The following CCDC186 variants were observed in gnomAD, a reference collection of about 807,000 sequenced individuals.
CCDC186 encodes coiled-coil domain-containing protein 186.
A neutral mutation model predicts 113.7 loss-of-function variants in CCDC186; 49 were observed. That is an observed-to-expected ratio of 0.43 (90% CI 0.34 to 0.55). CCDC186 has a LOEUF of 0.55. CCDC186 is among the 20% of genes least tolerant of loss of function. CCDC186 has a pLI of 0.02. For synonymous variants in CCDC186, 355 were observed against 345.8 expected (o/e 1.03, Z -0.30); for missense variants, 890 against 1,011.1 (o/e 0.88, Z 1.62).
intron 4 of CCDC186, among the ~76,000 whole-genome samples, chr10:114,146,479 T>C (rs1357605009): frequency 6.6e-6 from 1 of 152,238 alleles, no homozygotes; most frequent in African/African-American, 2.4e-5. Context: ...AGTAGCCATA[T>C]GCTAACAAAT....
At chr10:114,151,675 T>C (rs1424568488) in intron 3 of CCDC186, among the ~76,000 whole-genome samples, 2 of 152,248 alleles carry the variant, frequency 1.3e-5, no homozygotes, top group Admixed American at 6.5e-5. Context: ...CATGTCTGCA[T>C]TGTACACACT....
At chr10:114,151,821 T>G (rs1327765118) in intron 3 of CCDC186, among the ~76,000 whole-genome samples, 3 of 152,118 alleles carry the variant, frequency 2.0e-5, no homozygotes, top group Admixed American at 1.3e-4. Context: ...AGTATAAGAA[T>G]AGTGATGCTG....
At position 114,136,232 on chromosome 10, in the gene CCDC186, A is replaced by G. The variant is rs897730084; in HGVS notation, c.1341T>C (p.Ile447=). 2.5e-6 allele frequency: 4 copies of G among 1,610,876 alleles called. No individual in the cohort carries two copies. The African/African-American group carries it at 5.3e-5, about 22-fold the overall frequency. Residue 447 remains isoleucine, a synonymous_variant, in exon 8 of 16, where the codon ATT becomes ATC. Transcript: ENST00000369287. ...MIKTYQESEE[I]KSNELDAKLR... is the part of the protein sequence containing the mutation. ...GCTTTGCATCAAGCTCATTTGATTT[A>G]ATTTCTTCTGACTCCTAGTGGAAAG... is the stretch of plus-strand genomic sequence containing the variant.
chr10:114,134,659 A>G (rs1339589956), intron 10 of CCDC186, among the ~76,000 whole-genome samples: 1 of 152,194 alleles, frequency 6.6e-6, no homozygotes, highest in Non-Finnish European at 1.5e-5. Flanking sequence ...TAAGGAATGG[A>G]TAAGAGACTC....
intron 6 of CCDC186, among the ~76,000 whole-genome samples, chr10:114,141,705 T>C (rs925363979): frequency 4.6e-5 from 7 of 152,084 alleles, no homozygotes; most frequent in Non-Finnish European, 1.5e-5. Flanking sequence ...AGCTGAAGAC[T>C]TGAAGGGAAC....
chr10:114,172,694 CA>C (rs1265354894), intron 1 of CCDC186, among the ~76,000 whole-genome samples: 3 of 152,124 alleles, frequency 2.0e-5, no homozygotes, highest in Non-Finnish European at 4.4e-5. Context: ...CTTAATACTG[CA>C]AGATTCGTGA....
chr10:114,127,475 A>G lies in CCDC186; in HGVS notation c.2379T>C (p.Ile793=), dbSNP rs1452127281. 1 of 1,613,050 alleles carries G rather than the reference A, an allele frequency of 6.2e-7. No homozygotes were observed. The highest frequency in any genetic ancestry group is 8.5e-7 in the Non-Finnish European group (1 of 1,179,680). ...EDHIKQLVEE[I]RKKTKIIQSY... Reference sequence around the variant, plus strand: ...ATAATACATACTTTGTTTTTTTCCTAATTTCTTCCACCAGTTGTTTGATGT... The same window carrying G: ...ATAATACATACTTTGTTTTTTTCCTGATTTCTTCCACCAGTTGTTTGATGT... Residue 793 remains isoleucine, a synonymous_variant, in exon 14 of 16, where the codon ATT becomes ATC. Transcript: ENST00000369287.
intron 3 of CCDC186, among the ~76,000 whole-genome samples, chr10:114,156,600 G>A (rs867934092): frequency 6.6e-6 from 1 of 152,052 alleles, no homozygotes; most frequent in Non-Finnish European, 1.5e-5. Context: ...GTTGGTGGCC[G>A]CCTATAATCC....
At chr10:114,157,525 TA>T in intron 3 of CCDC186, 28 bp downstream of exon 3, 2 of 1,569,064 alleles carry the variant, frequency 1.3e-6, no homozygotes, top group Non-Finnish European at 1.7e-6. Context: ...AATTGAAGTA[TA>T]GTCTTCGAAG....
At chr10:114,138,044 A>C (rs1564908403) in intron 6 of CCDC186, among the ~76,000 whole-genome samples, 5 of 6,988 alleles carry the variant, frequency 7.2e-4, no homozygotes, top group Admixed American at 3.9e-3. Context: ...TCTCAAAAAA[A>C]AAAAAAAAAA....
intron 6 of CCDC186, among the ~76,000 whole-genome samples, chr10:114,138,037 C>CAAAAAAAAAAAAAAAAAAAAAAA: frequency 4.4e-5 from 1 of 22,848 alleles, no homozygotes; most frequent in Non-Finnish European, 7.8e-5. Context: ...AACTCGGTCT[C>CAAAAAAAAAAAAAAAAAAAAAAA]AAAAAAAAAA....
At chr10:114,147,686 C>T (rs1285448979) in intron 4 of CCDC186, among the ~76,000 whole-genome samples, 3 of 151,840 alleles carry the variant, frequency 2.0e-5, no homozygotes, top group Non-Finnish European at 4.4e-5. Flanking sequence ...CAACATAAAG[C>T]CAAAGAAGAA....
intron 9 of CCDC186, among the ~76,000 whole-genome samples, chr10:114,135,338 A>G (rs1169640733): frequency 6.6e-6 from 1 of 152,164 alleles, no homozygotes; most frequent in Non-Finnish European, 1.5e-5. Flanking sequence ...AACAAATAAG[A>G]AGGTGTATGA....
At chr10:114,136,659 T>A (rs976994638) in intron 7 of CCDC186, among the ~76,000 whole-genome samples, 7 of 152,230 alleles carry the variant, frequency 4.6e-5, no homozygotes, top group African/African-American at 1.7e-4. Context: ...TTCATTCTTC[T>A]GACATTTTCT....
At position 114,132,055 on chromosome 10, in the gene CCDC186, G is replaced by A; in HGVS notation, c.1785C>T (p.Leu595=). Reference sequence around the variant, plus strand: ...ACTGAAGCTGTGCATTCTTACTAGTGAGCCTTTCTGTAAACAGCAGCAGCT... The same window carrying A: ...ACTGAAGCTGTGCATTCTTACTAGTAAGCCTTTCTGTAAACAGCAGCAGCT... ...ESELLLFTER[L]TSKNAQLQSE... Residue 595 remains leucine, a synonymous_variant, in exon 11 of 16, where the codon CTC becomes CTT. Transcript: ENST00000369287. 1 of 1,613,540 alleles carries A rather than the reference G, an allele frequency of 6.2e-7. No homozygotes were observed. Among genetic ancestry groups the A allele is most frequent in the South Asian group, 1.1e-5 (1 of 91,060 alleles).
In CCDC186 at chr10:114,134,898, T is replaced by C; in HGVS notation, c.1655+15A>G. 6.3e-7 allele frequency: 1 copy of C among 1,598,068 alleles called. No homozygotes were observed. The highest frequency in any genetic ancestry group is 8.5e-7 in the Non-Finnish European group (1 of 1,175,536). On this transcript the variant is annotated intron_variant, in intron 10 of 15. Transcript: ENST00000369287. ...GCTTGCTTATTAATACAAACAGAAG[T>C]TGCTCATTTTGTACCTTTGAAGCTG...
At position 114,167,254 on chromosome 10, in the gene CCDC186, C is replaced by T. The variant is rs184785395; in HGVS notation, c.-61-3925G>A. ...CAGGATGGTCTCAATCTCTGGACCTCGTGATCCACCCGCCTCGGCCTCCCA... is the reference window on the plus strand; with the variant it reads ...CAGGATGGTCTCAATCTCTGGACCTTGTGATCCACCCGCCTCGGCCTCCCA... On this transcript the variant is annotated intron_variant, in intron 1 of 15. Transcript: ENST00000369287. Among the ~76,000 whole-genome samples the T allele has an allele frequency of 4.3e-3, 653 of 152,024 alleles. 4 individuals carry two copies. The highest frequency in any genetic ancestry group is 0.014 in the African/African-American group (574 of 41,452).
intron 12 of CCDC186, 134 bp downstream of exon 12, chr10:114,131,013 T>G: frequency 1.5e-6 from 1 of 678,782 alleles, no homozygotes; most frequent in Non-Finnish European, 2.2e-6. Context: ...CCAAGAAGTT[T>G]AACAATTTGG....
chr10:114,136,063 A>G (rs988364445), intron 8 of CCDC186, 85 bp downstream of exon 8: 1 of 1,497,606 alleles, frequency 6.7e-7, no homozygotes, highest in African/African-American at 1.4e-5. Context: ...AAAAGGCCTT[A>G]AAAGTAGATA....
Sources: allele counts gnomAD v4.1 joint callset (sites outside exome capture counted in the v4.1 genomes callset), GRCh38; gene constraint gnomAD v4.1.1; transcripts MANE v1.5; gene names NCBI Gene and HGNC (gene_info 2026-07-23, HGNC 2026-07-21).